The following GFI1B variants were observed in gnomAD, a reference collection of about 807,000 sequenced individuals.
GFI1B encodes zinc finger protein Gfi-1b.
GFI1B carries 20 observed loss-of-function variants against 35.3 expected under a neutral mutation model. The observed-to-expected ratio is 0.57, with a 90% confidence interval of 0.40 to 0.82. The LOEUF is 0.82. Among genes scored for constraint, GFI1B ranks in the 40% least tolerant of loss-of-function variants. GFI1B has a pLI of 0.00. For synonymous variants in GFI1B, 178 were observed against 177.6 expected (o/e 1.00, Z -0.02); for missense variants, 430 against 446.3 (o/e 0.96, Z 0.33).
In GFI1B at chr9:132,960,852, C is replaced by T. The variant is rs12347685; in HGVS notation, c.-700-11873C>T. Reference sequence around the variant, plus strand: ...TTTTGTCTTCTTGGGTAGGCCACCTCCTCTCTCAAATCCCTGATCACGCCT... The same window carrying T: ...TTTTGTCTTCTTGGGTAGGCCACCTTCTCTCTCAAATCCCTGATCACGCCT... On this transcript the variant is annotated intron_variant, in intron 1 of 10. Transcript: ENST00000339463. Among the ~76,000 whole-genome samples, 294 of 151,952 alleles carry T rather than the reference C, an allele frequency of 1.9e-3. 2 individuals carry two copies. The highest frequency in any genetic ancestry group is 6.7e-3 in the African/African-American group (279 of 41,404).
At chr9:132,985,773 G>A (rs186198635) in intron 1 of GFI1B, among the ~76,000 whole-genome samples, 12 of 152,354 alleles carry the variant, frequency 7.9e-5, no homozygotes, top group Admixed American at 5.9e-4. Context: ...GAGGTTAAGT[G>A]TGTGTCCCAA....
At chr9:132,990,266 CTCAT>C (rs199596598) in intron 6 of GFI1B, among the ~76,000 whole-genome samples, 10 of 151,536 alleles carry the variant, frequency 6.6e-5, no homozygotes, top group Admixed American at 2.6e-4. Flanking sequence ...CATTTGTTCA[CTCAT>C]TCATTCATTT....
At chr9:132,985,622 G>A (rs61047099) in intron 1 of GFI1B, among the ~76,000 whole-genome samples, 2 of 152,108 alleles carry the variant, frequency 1.3e-5, no homozygotes, top group African/African-American at 2.4e-5. Flanking sequence ...GCTTGCAGGA[G>A]CACGTGGATT....
At position 132,987,429 on chromosome 9, in the gene GFI1B, T is replaced by A. The variant is rs1347170445; in HGVS notation, c.238+10T>A. The A allele has an allele frequency of 6.2e-7, 1 of 1,614,054 alleles. No homozygotes were observed. The highest frequency in any genetic ancestry group is 1.3e-5 in the African/African-American group (1 of 74,940). On this transcript the variant is annotated intron_variant, in intron 3 of 6. Coordinates refer to ENST00000372122, the MANE Select transcript of GFI1B (RefSeq NM_001377304.1). ...ATGGCCCCGGCACCAGGTACCCCGC[T>A]GTGACCCACTGTCATTCCCCAGGGA... is the stretch of plus-strand genomic sequence containing the variant.
In GFI1B at chr9:132,988,047, C is replaced by G; in HGVS notation, c.239-150C>G. 5.7e-6 allele frequency: 4 copies of G among 703,430 alleles called. No individual in the cohort carries two copies. The South Asian group carries it at 6.3e-5, about 11-fold the overall frequency. 43.6% of individuals were successfully genotyped at this position (703,430 alleles called of 1,614,324 possible). On this transcript the variant is annotated intron_variant, in intron 3 of 6. Coordinates refer to ENST00000372122, the MANE Select transcript of GFI1B (RefSeq NM_001377304.1). ...TTTTGGTAGAGACAGAGTTTCACCA[C>G]GTTGGTCCGCCTGGTCTTGAACTCC...
chr9:132,984,216 C>T (rs1848938792), intron 1 of GFI1B, among the ~76,000 whole-genome samples: 1 of 152,244 alleles, frequency 6.6e-6, no homozygotes, highest in Non-Finnish European at 1.5e-5. Context: ...CACCCCCAGT[C>T]CTCCTCCTGC....
chr9:132,971,013 A>C (rs1031485439), intron 1 of GFI1B, among the ~76,000 whole-genome samples: 2 of 152,238 alleles, frequency 1.3e-5, no homozygotes, highest in African/African-American at 4.8e-5. Context: ...GAGAAAGGGC[A>C]GAGTTTTATA....
In GFI1B at chr9:132,988,098, A is replaced by G. The variant is rs615667; in HGVS notation, c.239-99A>G. On this transcript the variant is annotated intron_variant, in intron 3 of 6. Transcript: ENST00000372122. Reference sequence around the variant, plus strand: ...CGACCTCAAGTGACCCACTTGCCTCAGCCTCCCAAAGTGCTGGAATTGCAG... The same window carrying G: ...CGACCTCAAGTGACCCACTTGCCTCGGCCTCCCAAAGTGCTGGAATTGCAG... 0.41 allele frequency: 454,015 copies of G among 1,102,912 alleles called. 96,902 individuals carry two copies. Among genetic ancestry groups the G allele is most frequent in the African/African-American group, 0.66 (43,094 of 65,342 alleles). 68.3% of individuals were successfully genotyped at this position (1,102,912 alleles called of 1,614,324 possible). A position where few individuals can be genotyped will look rare whatever the true frequency, so the allele number is the denominator to read the frequency against.
rs1849292367 is a variant in GFI1B at position 132,991,494 on chromosome 9, C to T, written c.*444C>T. 5.3e-6 allele frequency: 1 copy of T among 187,314 alleles called. No individual in the cohort carries two copies. The highest frequency in any genetic ancestry group is 1.4e-4 in the East Asian group (1 of 7,086). The allele number at this position is 187,314 out of a possible 1,614,324, so 11.6% of individuals were successfully genotyped here. A position where few individuals can be genotyped will look rare whatever the true frequency, so the allele number is the denominator to read the frequency against. ...ATAACAGGCAGAGTCGGAGCTGCCT[C>T]CCACCCCAGTCAGAAGCCTGGCACC... On this transcript the variant is annotated 3_prime_UTR_variant, in exon 7 of 7. Transcript: ENST00000372122.
intron 1 of GFI1B, among the ~76,000 whole-genome samples, chr9:132,967,756 G>A (rs574419447): frequency 6.6e-6 from 1 of 152,240 alleles, no homozygotes; most frequent in South Asian, 2.1e-4. Context: ...ATACACGTGT[G>A]TGTGTGTGTA....
intron 1 of GFI1B, among the ~76,000 whole-genome samples, chr9:132,981,443 GC>G (rs1848816606): frequency 6.6e-6 from 1 of 151,984 alleles, no homozygotes; most frequent in Non-Finnish European, 1.5e-5. Context: ...ATTTAGACCG[GC>G]CTGGGCAACA....
At chr9:132,978,298 AAAGGAGGG>A (rs371585840), upstream of GFI1B, among the ~76,000 whole-genome samples, 659 of 151,440 alleles carry the variant, frequency 4.4e-3, 6 homozygotes, top group African/African-American at 0.015. Flanking sequence ...AAGGAAGGAA[AAAGGAGGG>A]AAGGAGGGAA....
chr9:132,959,299 C>T lies in GFI1B; in HGVS notation c.-700-13426C>T, dbSNP rs188411909. 6.0e-3 allele frequency among the ~76,000 whole-genome samples: 906 copies of T among 152,248 alleles called. 7 individuals are homozygous for T. The highest frequency in any genetic ancestry group is 0.021 in the African/African-American group (864 of 41,526). ...TATAAGGGGCTTTCCCCACTTTGCT[C>T]GGCACTTCTCCTTCCTGCCGCCACT... On this transcript the variant is annotated intron_variant, in intron 1 of 10. Coordinates refer to the GFI1B transcript ENST00000339463.
At chr9:132,991,918 C>T (rs1345360979), downstream of GFI1B, among the ~76,000 whole-genome samples, 1 of 152,126 alleles carries the variant, frequency 6.6e-6, no homozygotes, top group Non-Finnish European at 1.5e-5. Context: ...AAGGCTAGTG[C>T]AGCTGGGGCG....
chr9:132,985,846 G>A (rs1849030872), intron 1 of GFI1B, among the ~76,000 whole-genome samples: 1 of 152,194 alleles, frequency 6.6e-6, no homozygotes, highest in Admixed American at 6.5e-5. Flanking sequence ...CCTAAGCTCA[G>A]ACCACCCGTT....
chr9:132,988,569 G>A, intron 4 of GFI1B, 101 bp downstream of exon 4: 2 of 1,093,660 alleles, frequency 1.8e-6, no homozygotes, highest in African/African-American at 1.5e-5. Context: ...GAATGTTGGG[G>A]CTCTGGTGGG....
chr9:132,975,954 C>A (rs1848621935), upstream of GFI1B, among the ~76,000 whole-genome samples: 1 of 152,160 alleles, frequency 6.6e-6, no homozygotes, highest in East Asian at 1.9e-4. Context: ...AACTGCTATG[C>A]CAGGGGACTG....
At chr9:132,965,699 C>T (rs1848441576) in intron 1 of GFI1B, among the ~76,000 whole-genome samples, 2 of 152,228 alleles carry the variant, frequency 1.3e-5, no homozygotes, top group African/African-American at 4.8e-5. Context: ...AGATTGCCCG[C>T]AGCCAGCAGG....
At chr9:132,962,616 T>C (rs974844499) in intron 1 of GFI1B, 1 of 503,242 alleles carries the variant, frequency 2.0e-6, no homozygotes, top group Non-Finnish European at 4.0e-6. Flanking sequence ...GTAATCAAAT[T>C]AGGTACAACT....
Sources: gnomAD v4.1 joint callset for allele counts (sites outside exome capture counted in the v4.1 genomes callset) on GRCh38, gnomAD v4.1.1 for gene constraint, MANE v1.5 for transcripts, NCBI Gene and HGNC (gene_info 2026-07-23, HGNC 2026-07-21) for gene names.